RTKN2: variants seen among roughly 807,000 people sequenced by gnomAD.
The protein encoded by RTKN2 is rhotekin 2.
In RTKN2, 69 loss-of-function variants were observed where a neutral mutation model predicts 71.5. The observed-to-expected ratio is 0.96, with a 90% CI of 0.79 to 1.18. The LOEUF (loss-of-function observed/expected upper bound fraction) is 1.18. Ranked by LOEUF, RTKN2 falls within the 50% of genes most tolerant of loss-of-function variation. The probability of loss-of-function intolerance (pLI) is 0.00; values close to 1 mark genes in which losing one functional copy is unlikely to be tolerated. For synonymous variants in RTKN2, 236 were observed against 236.5 expected (o/e 1.00, Z 0.02); for missense variants, 724 against 719.7 (o/e 1.01, Z -0.07).
intron 8 of RTKN2, among the ~76,000 whole-genome samples, chr10:62,184,837 TAAGTA>T (rs1336078443): frequency 2.0e-5 from 3 of 152,142 alleles, no homozygotes; most frequent in African/African-American, 2.4e-5. Flanking sequence ...AAATAAGAAC[TAAGTA>T]AAGAAAAAAA....
In RTKN2 at chr10:62,264,000, A is replaced by G. The variant is rs190651146; in HGVS notation, c.61-1179T>C. 3.0e-3 allele frequency among the ~76,000 whole-genome samples: 461 copies of G among 152,346 alleles called. 2 individuals carry two copies. Among genetic ancestry groups the G allele is most frequent in the Non-Finnish European group, 2.9e-3 (194 of 68,020 alleles). ...TTATAAATCAAAGGTACTCTTTATT[A>G]TATCACAAACATGTAATGTTTCTGG... is the stretch of plus-strand genomic sequence containing the variant. On this transcript the variant is annotated intron_variant, in intron 1 of 11. Coordinates refer to ENST00000373789, the MANE Select transcript of RTKN2 (RefSeq NM_145307.4).
chr10:62,199,020 T>C (rs1015598481), intron 11 of RTKN2, among the ~76,000 whole-genome samples: 3 of 151,992 alleles, frequency 2.0e-5, no homozygotes, highest in African/African-American at 7.2e-5. Context: ...GTAATAAGGG[T>C]GGTGGGTGAA....
intron 2 of RTKN2, among the ~76,000 whole-genome samples, chr10:62,249,530 T>C (rs896245065): frequency 4.6e-5 from 7 of 152,126 alleles, no homozygotes; most frequent in Non-Finnish European, 7.4e-5. Context: ...TTCAGCTCAG[T>C]ACATTCTAAA....
intron 8 of RTKN2, among the ~76,000 whole-genome samples, chr10:62,185,168 T>C (rs757432009): frequency 9.9e-5 from 15 of 151,854 alleles, no homozygotes; most frequent in Non-Finnish European, 1.3e-4. Flanking sequence ...TCCTTATTTC[T>C]ATAATCTATC....
Position 62,194,455 on chromosome 10 carries a change from G to A in RTKN2, c.*3453C>T. 1.0e-6 allele frequency: 1 copy of A among 979,166 alleles called. No homozygotes were observed. The highest frequency in any genetic ancestry group is 1.2e-6 in the Non-Finnish European group (1 of 824,254). 60.7% of individuals were successfully genotyped at this position (979,166 alleles called of 1,614,324 possible). ...GCTACTAGAATATAAATGGTCATCAGTTAAAGTTTAATTACTATTCAATAA... is the reference window on the plus strand; with the variant it reads ...GCTACTAGAATATAAATGGTCATCAATTAAAGTTTAATTACTATTCAATAA... On this transcript the variant is annotated 3_prime_UTR_variant, in exon 12 of 12. Transcript: ENST00000373789.
chr10:62,195,400 A>C lies in RTKN2; in HGVS notation c.*2508T>G. On this transcript the variant is annotated 3_prime_UTR_variant, in exon 12 of 12. Transcript: ENST00000373789. The stretch of plus-strand genomic sequence containing the variant: ...TTCTGGTTTAAGAAATGAGAAAACA[A>C]ACAATTCTTTTGAAACACTCTTTGA... 1.0e-6 allele frequency: 1 copy of C among 983,282 alleles called. No homozygotes were observed. The highest frequency in any genetic ancestry group is 1.2e-6 in the Non-Finnish European group (1 of 828,022). The allele number at this position is 983,282 out of a possible 1,614,324, so 60.9% of individuals were successfully genotyped here.
intron 2 of RTKN2, among the ~76,000 whole-genome samples, chr10:62,257,981 C>T (rs1842705154): frequency 6.6e-6 from 1 of 152,174 alleles, no homozygotes; most frequent in African/African-American, 2.4e-5. Context: ...GCATAAAGAA[C>T]AGGCAATGTA....
At chr10:62,184,656 G>A (rs1042485557) in intron 8 of RTKN2, among the ~76,000 whole-genome samples, 4 of 152,194 alleles carry the variant, frequency 2.6e-5, no homozygotes, top group Admixed American at 6.5e-5. Flanking sequence ...CATGGCTTCC[G>A]CCTACAGAAA....
downstream of RTKN2, among the ~76,000 whole-genome samples, chr10:62,190,207 A>G (rs1212634100): frequency 6.6e-6 from 1 of 152,146 alleles, no homozygotes; most frequent in Non-Finnish European, 1.5e-5. Flanking sequence ...ATTATTGGGG[A>G]AAAAAGAGTT....
intron 5 of RTKN2, chr10:62,239,294 T>C (rs563687000): frequency 6.2e-6 from 1 of 160,124 alleles, no homozygotes; most frequent in East Asian, 1.8e-4. Flanking sequence ...TCCTGTTTTA[T>C]GCTTAAATTC....
At chr10:62,191,632 G>A (rs952178954), downstream of RTKN2, among the ~76,000 whole-genome samples, 1 of 152,170 alleles carries the variant, frequency 6.6e-6, no homozygotes, top group African/African-American at 2.4e-5. Flanking sequence ...TGGGAGGCAG[G>A]TCAAACCATG....
intron 2 of RTKN2, among the ~76,000 whole-genome samples, chr10:62,259,733 G>A (rs537805812): frequency 6.6e-6 from 1 of 152,110 alleles, no homozygotes; most frequent in East Asian, 1.9e-4. Context: ...TGTCTTTTTT[G>A]TAGAGACAGG....
At chr10:62,192,019 T>C (rs1451805482), downstream of RTKN2, among the ~76,000 whole-genome samples, 12 of 151,914 alleles carry the variant, frequency 7.9e-5, 1 homozygote, top group Admixed American at 7.9e-4. Context: ...TGCATTACCT[T>C]ATTTAATAAA....
intron 6 of RTKN2, among the ~76,000 whole-genome samples, chr10:62,226,983 T>A (rs1254207837): frequency 6.6e-6 from 1 of 152,184 alleles, no homozygotes; most frequent in African/African-American, 2.4e-5. Context: ...AAGGGGGTTT[T>A]AAATTGATAA....
chr10:62,241,148 T>C lies in RTKN2; in HGVS notation c.364A>G (p.Lys122Glu). ...MWKDSDHFSN[K>E]ERSRRYAIFC... ...AAATTAAAATCATACATACGTTCTTTATTGCTGAAGTGATCAGAGTCTTTC... is the reference window on the plus strand; with the variant it reads ...AAATTAAAATCATACATACGTTCTTCATTGCTGAAGTGATCAGAGTCTTTC... Residue 122 changes from lysine (K) to glutamate (E), a missense_variant, in exon 4 of 12, where the codon AAA becomes GAA. Coordinates refer to ENST00000373789, the MANE Select transcript of RTKN2 (RefSeq NM_145307.4). The C allele has an allele frequency of 6.5e-7, 1 of 1,537,344 alleles. No homozygotes were observed. Among genetic ancestry groups the C allele is most frequent in the Non-Finnish European group, 8.9e-7 (1 of 1,118,380 alleles).
intron 8 of RTKN2, among the ~76,000 whole-genome samples, chr10:62,185,019 C>T (rs184364554): frequency 5.0e-4 from 76 of 152,300 alleles, no homozygotes; most frequent in African/African-American, 1.7e-3. Flanking sequence ...GCCATCATCA[C>T]CATCCCCAAC....
intron 2 of RTKN2, among the ~76,000 whole-genome samples, chr10:62,254,584 T>C (rs1842640112): frequency 6.6e-6 from 1 of 152,186 alleles, no homozygotes; most frequent in Non-Finnish European, 1.5e-5. Flanking sequence ...TATATGTGTA[T>C]ATATACGTAT....
rs1211725647 is a variant in RTKN2 at position 62,198,013 on chromosome 10, G to C, written c.1725C>G (p.His575Gln). ...CTTCAAAATTGGTTTTAGTGTCTGTGTGCTCACCATCACTTAATCTATTTC... is the reference window on the plus strand; with the variant it reads ...CTTCAAAATTGGTTTTAGTGTCTGTCTGCTCACCATCACTTAATCTATTTC... ...ARRNRLSDGE[H>Q]TDTKTNFEAK... The change falls in exon 12 of 12, where the codon CAC becomes CAG. Residue 575 changes from histidine (H) to glutamine (Q), a missense_variant. Transcript: ENST00000373789. 6.2e-7 allele frequency: 1 copy of C among 1,613,978 alleles called. No homozygotes were observed. The highest frequency in any genetic ancestry group is 1.7e-5 in the Admixed American group (1 of 60,012).
At chr10:62,228,411 C>T (rs1047704333) in intron 6 of RTKN2, among the ~76,000 whole-genome samples, 2 of 152,138 alleles carry the variant, frequency 1.3e-5, no homozygotes, top group Non-Finnish European at 1.5e-5. Context: ...AATGTGGCAA[C>T]ATTAGATCAC....
Sources: allele counts gnomAD v4.1 joint callset (sites outside exome capture counted in the v4.1 genomes callset), GRCh38; gene constraint gnomAD v4.1.1; transcripts MANE v1.5; gene names NCBI Gene and HGNC (gene_info 2026-07-23, HGNC 2026-07-21).